FAM117A: variants seen among roughly 807,000 people sequenced by gnomAD.
FAM117A encodes protein FAM117A.
Under a neutral mutation model 44.1 loss-of-function variants are expected in FAM117A, and 21 were observed. The ratio of observed to expected loss-of-function variants is 0.48; its 90% CI spans 0.34 to 0.69. The LOEUF (loss-of-function observed/expected upper bound fraction) is 0.69. Among genes scored for constraint, FAM117A ranks in the 30% least tolerant of loss-of-function variants. FAM117A has a pLI of 0.01. For synonymous variants in FAM117A, 220 were observed against 238.3 expected (o/e 0.92, Z 0.71); for missense variants, 498 against 589.9 (o/e 0.84, Z 1.61).
At chr17:49,786,463 G>A (rs1598041235) in intron 1 of FAM117A, among the ~76,000 whole-genome samples, 1 of 152,142 alleles carries the variant, frequency 6.6e-6, no homozygotes, top group Non-Finnish European at 1.5e-5. Flanking sequence ...TGGGAAGAAC[G>A]AGGTTTGAGC....
upstream of FAM117A, among the ~76,000 whole-genome samples, chr17:49,767,835 G>A (rs180827399): frequency 5.5e-4 from 84 of 152,146 alleles, no homozygotes; most frequent in Non-Finnish European, 7.9e-4. Flanking sequence ...CCCAGGAGGC[G>A]GAGGCTGCAG....
intron 2 of FAM117A, among the ~76,000 whole-genome samples, chr17:49,728,302 T>G (rs1305265139): frequency 1.3e-5 from 2 of 151,904 alleles, no homozygotes; most frequent in African/African-American, 4.8e-5. Context: ...ACAGGGAGGA[T>G]AGTACACAGG....
rs1051412283 is a variant in FAM117A, at chr17:49,726,704, C to T, written c.367-4110G>A. Among the ~76,000 whole-genome samples, 5 of 151,930 alleles carry T rather than the reference C, an allele frequency of 3.3e-5. No individual in the cohort carries two copies. In the East Asian group the frequency reaches 7.8e-4, roughly 24 times the overall value. ...TTCAAAAAGCTAACCTGGCCAGGTG[C>T]GGTGGCTCATGCCTGTAATCCCAGC... On this transcript the variant is annotated intron_variant, in intron 2 of 7. Coordinates refer to ENST00000240364, the MANE Select transcript of FAM117A (RefSeq NM_030802.4).
upstream of FAM117A, among the ~76,000 whole-genome samples, chr17:49,768,355 A>C (rs1893508883): frequency 1.3e-5 from 2 of 152,242 alleles, no homozygotes; most frequent in Admixed American, 6.5e-5. Flanking sequence ...CAAGAATGGG[A>C]GTTTCAAATC....
At chr17:49,779,468 T>C (rs569546557) in intron 1 of FAM117A, among the ~76,000 whole-genome samples, 1 of 152,352 alleles carries the variant, frequency 6.6e-6, no homozygotes, top group East Asian at 1.9e-4. Flanking sequence ...CCCACCCATG[T>C]GGACAAAGGG....
chr17:49,776,005 G>A (rs963218122), intron 1 of FAM117A, among the ~76,000 whole-genome samples: 2 of 152,000 alleles, frequency 1.3e-5, no homozygotes, highest in Non-Finnish European at 2.9e-5. Context: ...TGCATTCCTC[G>A]GAATGCCAAA....
Position 49,771,275 on chromosome 17 carries a change from T to C in FAM117A, c.-621+17222A>G, listed in dbSNP as rs150352646. 1.5e-3 allele frequency among the ~76,000 whole-genome samples: 235 copies of C among 152,354 alleles called. 1 individual carries two copies. Among genetic ancestry groups the C allele is most frequent in the African/African-American group, 5.6e-3 (232 of 41,586 alleles). ...GGTGAATTTTATGGTTTATAAATTA[T>C]ACCTCAATCAAGCTGTTTTGAAAAA... On this transcript the variant is annotated intron_variant, in intron 1 of 7. Coordinates refer to the FAM117A transcript ENST00000513602.
chr17:49,718,612 A>C (rs1330704364), intron 5 of FAM117A, among the ~76,000 whole-genome samples: 1 of 151,790 alleles, frequency 6.6e-6, no homozygotes, highest in Non-Finnish European at 1.5e-5. Context: ...CGGAGCTTAC[A>C]GTAAGCCCAG....
chr17:49,788,739 A>C, upstream of FAM117A: 1 of 1,370,528 alleles, frequency 7.3e-7, no homozygotes, highest in Non-Finnish European at 1.0e-6. Context: ...CAGGATTGGG[A>C]CTGATACAGA....
At chr17:49,722,287 A>G (rs1011213919) in intron 3 of FAM117A, among the ~76,000 whole-genome samples, 2 of 152,202 alleles carry the variant, frequency 1.3e-5, no homozygotes, top group Non-Finnish European at 1.5e-5. Context: ...CCTCTGGCCA[A>G]GCCCCTGCCT....
intron 1 of FAM117A, 67 bp from the exon 2 acceptor site, chr17:49,732,787 C>G: frequency 6.5e-7 from 1 of 1,531,486 alleles, no homozygotes; most frequent in Non-Finnish European, 8.9e-7. Flanking sequence ...CAATCACCTT[C>G]CTCTTCTAAG....
intron 1 of FAM117A, among the ~76,000 whole-genome samples, chr17:49,740,704 C>T (rs1437856492): frequency 6.6e-6 from 1 of 152,194 alleles, no homozygotes; most frequent in Non-Finnish European, 1.5e-5. Context: ...AGGGGATACT[C>T]CCCCAGGAAA....
At chr17:49,788,877 G>A, upstream of FAM117A, 1 of 1,572,132 alleles carries the variant, frequency 6.4e-7, no homozygotes, top group Non-Finnish European at 8.7e-7. Flanking sequence ...AGGGATGGCG[G>A]GTTTCTAAGG....
At chr17:49,788,840 G>A, upstream of FAM117A, 3 of 1,586,846 alleles carry the variant, frequency 1.9e-6, no homozygotes, top group Admixed American at 3.5e-5. Flanking sequence ...CGGCAATGCC[G>A]CGAAGGAAGG....
intron 1 of FAM117A, among the ~76,000 whole-genome samples, chr17:49,769,879 G>C (rs921232673): frequency 6.6e-6 from 1 of 152,064 alleles, no homozygotes; most frequent in African/African-American, 2.4e-5. Context: ...CCCAGACAAG[G>C]GGAGGACTTG....
chr17:49,715,524 A>G (rs903726310), intron 7 of FAM117A, among the ~76,000 whole-genome samples: 9 of 152,200 alleles, frequency 5.9e-5, no homozygotes, highest in African/African-American at 1.9e-4. Context: ...TTGGCTCTCA[A>G]TTCTTTCGGC....
In FAM117A at chr17:49,711,551, G is replaced by C. The variant is rs1410803015; in HGVS notation, c.1066C>G (p.Pro356Ala). 3 of 1,613,648 alleles carry C rather than the reference G, an allele frequency of 1.9e-6. No homozygotes were observed. Among genetic ancestry groups the C allele is most frequent in the Non-Finnish European group, 2.5e-6 (3 of 1,179,974 alleles). The change falls in exon 8 of 8, where the codon CCA becomes GCA. Residue 356 changes from proline (P) to alanine (A), a missense_variant. Physicochemically the swap from Pro to Ala is conservative, Grantham distance 27. Around this residue, in one of 3 missense-constraint regions of FAM117A, gnomAD observed 224 missense variants for 296.5 expected, o/e 0.76. Transcript: ENST00000240364. The part of the protein sequence containing the change: ...KVRVFEEATS[P>A]GPDLAFLTSC... ...GTCAGGAAGGCCAGGTCAGGACCTG[G>C]AGACCTGGAGGATGAAGAGAGACAC...
At chr17:49,722,468 C>T (rs767654593) in intron 3 of FAM117A, 31 bp downstream of exon 3, 3 of 1,590,414 alleles carry the variant, frequency 1.9e-6, no homozygotes, top group Admixed American at 1.7e-5. Context: ...GAAGCCGCTA[C>T]CCTAGGCAGG....
chr17:49,717,223 C>T (rs1441432444), intron 6 of FAM117A, among the ~76,000 whole-genome samples: 2 of 152,226 alleles, frequency 1.3e-5, no homozygotes, highest in Non-Finnish European at 2.9e-5. Context: ...CTTTCCCCTA[C>T]AGCTTGCTGA....
Sources: allele counts gnomAD v4.1 joint callset (sites outside exome capture counted in the v4.1 genomes callset), GRCh38; gene constraint gnomAD v4.1.1; regional missense constraint gnomAD v4.1.1; transcripts MANE v1.5; gene names NCBI Gene and HGNC (gene_info 2026-07-23, HGNC 2026-07-21).